The following CDK14 variants were observed in gnomAD, a reference collection of about 807,000 sequenced individuals.
CDK14 encodes the protein cyclin-dependent kinase 14.
In CDK14, 34 loss-of-function variants were observed where a neutral mutation model predicts 60.7. That is an observed-to-expected ratio of 0.56 (90% CI 0.43 to 0.75). The LOEUF (loss-of-function observed/expected upper bound fraction) is 0.75, where lower values mean the gene tolerates loss of function less well. CDK14 is among the 30% of genes least tolerant of loss of function. The probability of loss-of-function intolerance (pLI) is 0.00; values close to 1 mark genes in which losing one functional copy is unlikely to be tolerated. For missense variants in CDK14, 482 were observed against 564.1 expected (o/e 0.85, Z 1.47); for synonymous variants, 197 against 203.7 (o/e 0.97, Z 0.28).
rs377542012 is a variant in CDK14 at position 90,709,547 on chromosome 7, C to T, written c.124-17020C>T. 132 of 1,613,108 alleles carry T rather than the reference C, an allele frequency of 8.2e-5. No individual in the cohort carries two copies. The African/African-American group carries it at 1.3e-3, about 15-fold the overall frequency. On this transcript the variant is annotated intron_variant, in intron 2 of 14. Transcript: ENST00000380050. Reference sequence around the variant, plus strand: ...GTGAATTGCCTTGACAGCATATGCACGGTTACTTTGGCTGCAATGCTGCTG... The same window carrying T: ...GTGAATTGCCTTGACAGCATATGCATGGTTACTTTGGCTGCAATGCTGCTG...
At chr7:91,158,195 T>C (rs1801047319) in intron 14 of CDK14, among the ~76,000 whole-genome samples, 1 of 148,354 alleles carries the variant, frequency 6.7e-6, no homozygotes, top group South Asian at 2.1e-4. Flanking sequence ...AAAATATATA[T>C]AATATATTAT....
intron 9 of CDK14, among the ~76,000 whole-genome samples, chr7:90,957,469 A>G (rs886374118): frequency 4.6e-5 from 7 of 152,054 alleles, no homozygotes; most frequent in Non-Finnish European, 1.0e-4. Context: ...TCTCAGCCCA[A>G]AATCTCCTTA....
At position 91,088,205 on chromosome 7, in the gene CDK14, G is replaced by A. The variant is rs1798694611; in HGVS notation, c.1154+8725G>A. On this transcript the variant is annotated intron_variant, in intron 12 of 14. Transcript: ENST00000380050. Reference sequence around the variant, plus strand: ...GATGAATTATCTCTCAAAACACAATGAATAAAGGCTGGGAGCATGGCCATG... The same window carrying A: ...GATGAATTATCTCTCAAAACACAATAAATAAAGGCTGGGAGCATGGCCATG... Among the ~76,000 whole-genome samples the A allele has an allele frequency of 2.0e-5, 3 of 152,164 alleles. No homozygotes were observed. The South Asian group carries it at 6.2e-4, about 32-fold the overall frequency.
chr7:90,816,172 T>G (rs76417988), intron 5 of CDK14, among the ~76,000 whole-genome samples: 2,493 of 152,296 alleles, frequency 0.016, 35 homozygotes, highest in Non-Finnish European at 0.024. Context: ...GGCTGAGCCT[T>G]CAAACGTAGA....
In CDK14 at chr7:90,694,384, G is replaced by A. The variant is rs550775557; in HGVS notation, c.124-32183G>A. On this transcript the variant is annotated intron_variant, in intron 2 of 14. Transcript: ENST00000380050. ...AATGTCGTTTGATTACAAATTAAAC[G>A]TAGTAAACTGACAATATGTATTTGA... Among the ~76,000 whole-genome samples the A allele has an allele frequency of 2.0e-5, 3 of 152,240 alleles. No individual in the cohort carries two copies. The South Asian group carries it at 6.2e-4, about 32-fold the overall frequency.
At chr7:90,691,306 GA>G (rs56724356) in intron 2 of CDK14, among the ~76,000 whole-genome samples, 88,350 of 151,440 alleles carry the variant, frequency 0.58, 25,997 homozygotes, top group East Asian at 0.77. Context: ...AAGTACTGTG[GA>G]AAAAAAATAA....
intron 9 of CDK14, among the ~76,000 whole-genome samples, chr7:90,963,109 G>A (rs1261514761): frequency 6.6e-6 from 1 of 151,502 alleles, no homozygotes; most frequent in Non-Finnish European, 1.5e-5. Flanking sequence ...GTGTGTGTGT[G>A]TGTGTGTGTG....
chr7:90,837,291 CTTTTTTT>C (rs1211895994), intron 5 of CDK14, among the ~76,000 whole-genome samples: 1 of 141,652 alleles, frequency 7.1e-6, no homozygotes, highest in African/African-American at 2.6e-5. Flanking sequence ...TTTCTTTTTT[CTTTTTTT>C]TTTTTTTGAG....
chr7:90,774,834 A>G (rs1415775032), intron 4 of CDK14, among the ~76,000 whole-genome samples: 1 of 152,190 alleles, frequency 6.6e-6, no homozygotes, highest in Non-Finnish European at 1.5e-5. Context: ...CCCTGCCTTA[A>G]TGACCCTCGA....
intron 12 of CDK14, among the ~76,000 whole-genome samples, chr7:91,098,923 TA>T (rs1327931696): frequency 3.3e-5 from 5 of 152,220 alleles, no homozygotes; most frequent in Non-Finnish European, 7.4e-5. Context: ...ATTGCATTAC[TA>T]AGTTATACTT....
intron 5 of CDK14, among the ~76,000 whole-genome samples, chr7:90,839,073 C>T (rs905484534): frequency 2.2e-4 from 34 of 152,174 alleles, no homozygotes; most frequent in Non-Finnish European, 1.2e-4. Context: ...TCTTTGTATT[C>T]TTTCTCTTTA....
chr7:91,097,740 A>T (rs527999907), intron 12 of CDK14, among the ~76,000 whole-genome samples: 6 of 152,260 alleles, frequency 3.9e-5, no homozygotes, highest in East Asian at 1.9e-4. Flanking sequence ...CAGCTCCTTC[A>T]TCTGCAAGGT....
intron 14 of CDK14, among the ~76,000 whole-genome samples, chr7:91,164,012 G>A (rs1315529474): frequency 7.5e-6 from 1 of 134,066 alleles, no homozygotes; most frequent in African/African-American, 2.9e-5. Context: ...CTAAGACATA[G>A]TGGCCTCATT....
intron 12 of CDK14, among the ~76,000 whole-genome samples, chr7:91,085,834 A>G (rs1383454934): frequency 2.6e-5 from 4 of 152,334 alleles, no homozygotes; most frequent in Non-Finnish European, 4.4e-5. Context: ...CACAGAGGAA[A>G]AAGAGATTAT....
rs145800661 is a variant in CDK14 at position 90,882,262 on chromosome 7, C to A, written c.640-17029C>A. Among the ~76,000 whole-genome samples, 965 of 116,322 alleles carry A rather than the reference C, an allele frequency of 8.3e-3. 1 individual carries two copies. The highest frequency in any genetic ancestry group is 0.016 in the Middle Eastern group (3 of 190). 76.3% of individuals were successfully genotyped at this position (116,322 alleles called of 152,430 possible). A position where few individuals can be genotyped will look rare whatever the true frequency, so the allele number is the denominator to read the frequency against. On this transcript the variant is annotated intron_variant, in intron 6 of 14. Transcript: ENST00000380050. Reference sequence around the variant, plus strand: ...GGAAATTTACCAAGCAAATGGAAAGCAAAAAAAAAAAAAAAAGCAGGGATT... The same window carrying A: ...GGAAATTTACCAAGCAAATGGAAAGAAAAAAAAAAAAAAAAAGCAGGGATT...
At chr7:90,838,505 C>T (rs1430543378) in intron 5 of CDK14, among the ~76,000 whole-genome samples, 1 of 152,152 alleles carries the variant, frequency 6.6e-6, no homozygotes. Context: ...CCATATTTTT[C>T]TTCTTGCAGG....
intron 2 of CDK14, among the ~76,000 whole-genome samples, chr7:90,704,010 T>C (rs1465291421): frequency 6.6e-6 from 1 of 152,200 alleles, no homozygotes; most frequent in Non-Finnish European, 1.5e-5. Context: ...GGAGGATCAC[T>C]TGAAGCTGGG....
chr7:90,951,782 T>G (rs1290636809), intron 8 of CDK14, among the ~76,000 whole-genome samples: 1 of 152,220 alleles, frequency 6.6e-6, no homozygotes, highest in African/African-American at 2.4e-5. Context: ...TGGACTCTTT[T>G]GGTGTATTCT....
At chr7:91,059,416 C>T (rs1797705096) in intron 11 of CDK14, among the ~76,000 whole-genome samples, 2 of 152,140 alleles carry the variant, frequency 1.3e-5, no homozygotes, top group African/African-American at 4.8e-5. Context: ...CAGTTCTGCT[C>T]TGATCTTAGT....
Sources: allele counts gnomAD v4.1 joint callset (sites outside exome capture counted in the v4.1 genomes callset), GRCh38; gene constraint gnomAD v4.1.1; transcripts MANE v1.5; gene names NCBI Gene and HGNC (gene_info 2026-07-23, HGNC 2026-07-21).